The following MARK1 variants were observed in gnomAD, a reference collection of about 807,000 sequenced individuals.
MARK1 encodes the protein serine/threonine-protein kinase MARK1.
In MARK1, 40 loss-of-function variants were observed where a neutral mutation model predicts 96.3. That is an observed-to-expected ratio of 0.42 (90% CI 0.32 to 0.54). MARK1 has a LOEUF of 0.54. Ranked by LOEUF, MARK1 falls within the 20% of genes least tolerant of loss-of-function variation. The pLI is 0.16. For missense variants in MARK1, 719 were observed against 984.6 expected (o/e 0.73, Z 3.61); for synonymous variants, 317 against 341.2 (o/e 0.93, Z 0.78).
intron 1 of MARK1, among the ~76,000 whole-genome samples, chr1:220,539,098 A>C (rs1660940715): frequency 6.6e-6 from 1 of 151,904 alleles, no homozygotes. Context: ...AGAACTTCCA[A>C]CACTATGTTG....
At chr1:220,592,313 G>A (rs976597580) in intron 3 of MARK1, among the ~76,000 whole-genome samples, 1 of 150,672 alleles carries the variant, frequency 6.6e-6, no homozygotes, top group South Asian at 2.1e-4. Flanking sequence ...TATACTTGCT[G>A]GCTTAAGAAA....
intron 1 of MARK1, among the ~76,000 whole-genome samples, chr1:220,545,504 A>G (rs1661429664): frequency 7.7e-6 from 1 of 129,694 alleles, no homozygotes; most frequent in Non-Finnish European, 1.5e-5. Flanking sequence ...TAGCGTGATC[A>G]CAGCTCACTG....
Position 220,661,966 on chromosome 1 carries a change from T to C in MARK1, c.2188T>C (p.Cys730Arg). ...CCGAAAAGTGTTAGATGCAAATAAC[T>C]GTGATTATGAGCAAAAAGAGAGATT... ...EIRKVLDANN[C>R]DYEQKERFLL... The change falls in exon 18 of 18, where the codon TGT (cysteine) becomes CGT (arginine). Residue 730 changes from cysteine (C) to arginine (R), a missense_variant. Physicochemically the swap from Cys to Arg is radical, Grantham distance 180. This residue lies in a region of MARK1 where 501 missense variants were observed against 588.3 expected (regional missense o/e 0.85). Transcript: ENST00000366917. 6.2e-7 allele frequency: 1 copy of C among 1,614,154 alleles called. No individual in the cohort carries two copies. The highest frequency in any genetic ancestry group is 8.5e-7 in the Non-Finnish European group (1 of 1,180,032).
rs139923456 is a variant in MARK1, at chr1:220,607,129, C to G, written c.495+2992C>G. On this transcript the variant is annotated intron_variant, in intron 6 of 17. Transcript: ENST00000366917. ...ACCTTGGGTAGCATAGCCATTTTCA[C>G]AATATTGATTCTTCCTATCCGTGAG... Among the ~76,000 whole-genome samples the G allele has an allele frequency of 3.6e-3, 554 of 152,226 alleles. 5 individuals are homozygous for G. The highest frequency in any genetic ancestry group is 0.013 in the African/African-American group (523 of 41,544).
At chr1:220,602,488 A>G (rs987746924) in intron 5 of MARK1, among the ~76,000 whole-genome samples, 1 of 152,198 alleles carries the variant, frequency 6.6e-6, no homozygotes, top group Non-Finnish European at 1.5e-5. Flanking sequence ...GTACAGGACT[A>G]TGTCATGTAA....
At chr1:220,569,653 A>G (rs548307216) in intron 1 of MARK1, among the ~76,000 whole-genome samples, 1 of 152,176 alleles carries the variant, frequency 6.6e-6, no homozygotes, top group Admixed American at 6.5e-5. Context: ...TTGTTGAATA[A>G]TTTATTACTT....
intron 1 of MARK1, among the ~76,000 whole-genome samples, chr1:220,538,091 G>A (rs369269605): frequency 0.015 from 2,238 of 151,396 alleles, 28 homozygotes; most frequent in South Asian, 0.04. Flanking sequence ...ATTAGATCCT[G>A]TTTGTCAATT....
intron 3 of MARK1, among the ~76,000 whole-genome samples, chr1:220,592,533 C>T (rs555415307): frequency 9.9e-5 from 15 of 152,186 alleles, no homozygotes; most frequent in Non-Finnish European, 1.9e-4. Flanking sequence ...CTGGACAACA[C>T]GTTGATTGCA....
intron 13 of MARK1, among the ~76,000 whole-genome samples, chr1:220,641,250 A>G (rs976330453): frequency 9.2e-5 from 14 of 152,338 alleles, no homozygotes; most frequent in Admixed American, 6.5e-4. Context: ...GCCAAAATTC[A>G]CATGTTAAAA....
intron 3 of MARK1, among the ~76,000 whole-genome samples, chr1:220,588,242 T>C (rs1482114439): frequency 6.6e-6 from 1 of 152,204 alleles, no homozygotes; most frequent in Non-Finnish European, 1.5e-5. Context: ...AGCACCAACT[T>C]ATACCCAAAG....
At chr1:220,580,728 G>A (rs559563495) in intron 2 of MARK1, among the ~76,000 whole-genome samples, 1 of 152,228 alleles carries the variant, frequency 6.6e-6, no homozygotes, top group East Asian at 1.9e-4. Flanking sequence ...TTAACTTACT[G>A]CAAGTTCACA....
At position 220,651,989 on chromosome 1, in the gene MARK1, T is replaced by A; in HGVS notation, c.1575T>A (p.Leu525=). ...VALQNGKDSS[L]TEMSVSSISS... is the part of the protein sequence containing the mutation. ...CTCAACTGCTTTATGGTGAAAGCCT[T>A]ACGGAGATGTCTGTGAGTAGCATAT... Residue 525 remains leucine (L), a synonymous_variant, in exon 15 of 18, where the codon CTT becomes CTA. Transcript: ENST00000366917. The A allele has an allele frequency of 6.3e-7, 1 of 1,592,840 alleles. No homozygotes were observed. Among genetic ancestry groups the A allele is most frequent in the Non-Finnish European group, 8.6e-7 (1 of 1,163,696 alleles).
chr1:220,639,726 C>T (rs1668166064), intron 13 of MARK1, among the ~76,000 whole-genome samples: 1 of 152,180 alleles, frequency 6.6e-6, no homozygotes, highest in Non-Finnish European at 1.5e-5. Flanking sequence ...AACCTCAGCT[C>T]TGATGTGTCT....
chr1:220,658,322 G>C (rs1048015795), intron 17 of MARK1, among the ~76,000 whole-genome samples: 1 of 152,092 alleles, frequency 6.6e-6, no homozygotes, highest in Non-Finnish European at 1.5e-5. Context: ...CATGCTAGTT[G>C]TATATTCATT....
chr1:220,639,205 A>G (rs1668134816), intron 13 of MARK1, among the ~76,000 whole-genome samples: 1 of 152,148 alleles, frequency 6.6e-6, no homozygotes. Flanking sequence ...GCAATGAGCT[A>G]TGAGCTATGG....
chr1:220,626,858 G>A lies in MARK1; in HGVS notation c.910-4177G>A, dbSNP rs140897027. On this transcript the variant is annotated intron_variant, in intron 9 of 17. Coordinates refer to ENST00000366917, the MANE Select transcript of MARK1 (RefSeq NM_018650.5). Reference sequence around the variant, plus strand: ...AAGGGTTGAGGGGGGCATGCCAAGTGTATGGAATTTGTCAAGAGCTTTAAC... The same window carrying A: ...AAGGGTTGAGGGGGGCATGCCAAGTATATGGAATTTGTCAAGAGCTTTAAC... The A allele has an allele frequency of 8.8e-4, 383 of 436,562 alleles. 1 individual carries two copies. Among genetic ancestry groups the A allele is most frequent in the African/African-American group, 7.3e-3 (353 of 48,662 alleles). 27.0% of individuals were successfully genotyped at this position (436,562 alleles called of 1,614,324 possible).
chr1:220,646,855 A>G (rs1668604188), intron 13 of MARK1, among the ~76,000 whole-genome samples: 1 of 152,248 alleles, frequency 6.6e-6, no homozygotes, highest in Non-Finnish European at 1.5e-5. Context: ...AGCCATATGC[A>G]GAAAATTGAA....
At chr1:220,608,953 G>C (rs1035508367) in intron 6 of MARK1, among the ~76,000 whole-genome samples, 1 of 152,188 alleles carries the variant, frequency 6.6e-6, no homozygotes, top group African/African-American at 2.4e-5. Flanking sequence ...TTTTACATTT[G>C]CTGAGGAGTG....
intron 6 of MARK1, among the ~76,000 whole-genome samples, chr1:220,607,872 A>G (rs974523172): frequency 2.0e-5 from 3 of 152,142 alleles, no homozygotes; most frequent in Non-Finnish European, 4.4e-5. Flanking sequence ...ATTTGCGTAT[A>G]TTGAACTGGC....
Sources: allele counts gnomAD v4.1 joint callset (sites outside exome capture counted in the v4.1 genomes callset), GRCh38; gene constraint gnomAD v4.1.1; regional missense constraint gnomAD v4.1.1; transcripts MANE v1.5; gene names NCBI Gene and HGNC (gene_info 2026-07-23, HGNC 2026-07-21).